The following SAXO1 variants were observed in gnomAD, a reference collection of about 807,000 sequenced individuals.
SAXO1 encodes the protein stabilizer of axonemal microtubules 1.
A neutral mutation model predicts 17.5 loss-of-function variants in SAXO1; 21 were observed. That is an observed-to-expected ratio of 1.20 (90% CI 0.85 to 1.72). The LOEUF (loss-of-function observed/expected upper bound fraction) is 1.72. Ranked by LOEUF, SAXO1 falls within the 40% of genes most tolerant of loss-of-function variation. The pLI is 0.00. For synonymous variants in SAXO1, 274 were observed against 216.5 expected, an observed-to-expected ratio of 1.27 and a Z score of -2.33; for missense variants, 843 against 596.0, an observed-to-expected ratio of 1.41 and a Z score of -4.32.
At chr9:18,956,657 T>C (rs1372480364) in intron 1 of SAXO1, among the ~76,000 whole-genome samples, 1 of 152,126 alleles carries the variant, frequency 6.6e-6, no homozygotes, top group Non-Finnish European at 1.5e-5. Flanking sequence ...ACTTCAATCT[T>C]CTCCTCTTTA....
At chr9:19,013,222 C>T (rs115511672) in intron 1 of SAXO1, among the ~76,000 whole-genome samples, 89 of 152,260 alleles carry the variant, frequency 5.8e-4, no homozygotes, top group African/African-American at 2.1e-3. Flanking sequence ...CAGCACAAGG[C>T]ATAAGGCATA....
At chr9:18,967,414 G>T (rs1005006345) in intron 1 of SAXO1, among the ~76,000 whole-genome samples, 11 of 152,344 alleles carry the variant, frequency 7.2e-5, no homozygotes, top group South Asian at 4.1e-4. Context: ...CCTGACTGGG[G>T]CTGTTGCCTT....
chr9:19,016,321 G>A (rs567407432), intron 1 of SAXO1, among the ~76,000 whole-genome samples: 6 of 152,176 alleles, frequency 3.9e-5, no homozygotes, highest in South Asian at 2.1e-4. Context: ...CTGTAGTCCC[G>A]GCTACTCAGG....
upstream of SAXO1, among the ~76,000 whole-genome samples, chr9:19,036,495 T>G (rs1438393433): frequency 6.6e-6 from 1 of 152,080 alleles, no homozygotes; most frequent in Non-Finnish European, 1.5e-5. Flanking sequence ...CCCCATGCTG[T>G]GTCCAGCCTA....
intron 1 of SAXO1, 149 bp from the exon 2 acceptor site, chr9:18,951,086 T>TTCACGTAGTTTAGTGG: frequency 1.3e-6 from 1 of 784,812 alleles, no homozygotes; most frequent in Non-Finnish European, 2.0e-6. Context: ...TTTTTTCCAC[T>TTCACGTAGTTTAGTGG]AAACTACGTG....
chr9:18,950,746 G>A lies in SAXO1; in HGVS notation c.218+12C>T. ...GTATGTACCTGCATACATTAATACT[G>A]TTTGCCCTCACCTTGATGTAGTCAG... On this transcript the variant is annotated intron_variant, in intron 2 of 3. Transcript: ENST00000380534. The A allele has an allele frequency of 1.2e-6, 2 of 1,610,296 alleles. No individual in the cohort carries two copies. The highest frequency in any genetic ancestry group is 1.7e-6 in the Non-Finnish European group (2 of 1,177,448).
At chr9:19,009,162 T>C (rs549366740) in intron 1 of SAXO1, among the ~76,000 whole-genome samples, 5 of 152,232 alleles carry the variant, frequency 3.3e-5, no homozygotes, top group African/African-American at 4.8e-5. Flanking sequence ...ATAAAAACTA[T>C]GCAAACAAGA....
chr9:19,042,282 A>C (rs1444061340), intron 1 of SAXO1, among the ~76,000 whole-genome samples: 1 of 152,184 alleles, frequency 6.6e-6, no homozygotes, highest in Non-Finnish European at 1.5e-5. Flanking sequence ...TATCCAAATG[A>C]TGGGCAATAA....
intron 3 of SAXO1, among the ~76,000 whole-genome samples, chr9:18,938,477 G>C (rs888028201): frequency 5.3e-5 from 8 of 151,990 alleles, no homozygotes; most frequent in African/African-American, 1.2e-4. Context: ...GGTGCCAAAC[G>C]CTTCTAAACA....
chr9:18,940,894 T>C (rs1307530304), intron 3 of SAXO1, among the ~76,000 whole-genome samples: 1 of 152,326 alleles, frequency 6.6e-6, no homozygotes, highest in South Asian at 2.1e-4. Context: ...ATCCTATTTA[T>C]ATAAAGTTCA....
chr9:18,953,626 C>T (rs991429100), intron 1 of SAXO1, among the ~76,000 whole-genome samples: 1 of 152,126 alleles, frequency 6.6e-6, no homozygotes, highest in Non-Finnish European at 1.5e-5. Flanking sequence ...CTACCTGCAC[C>T]ATGAATGCCC....
At chr9:18,973,584 C>CT (rs2131801336) in intron 1 of SAXO1, among the ~76,000 whole-genome samples, 1 of 152,350 alleles carries the variant, frequency 6.6e-6, no homozygotes. Flanking sequence ...CCTCATGTGC[C>CT]TGGTGCTGCA....
rs568323442 is a variant in SAXO1 at position 18,999,576 on chromosome 9, C to T, written c.38+33295G>A. 1.5e-3 allele frequency among the ~76,000 whole-genome samples: 225 copies of T among 145,846 alleles called. 6 individuals are homozygous for T. The South Asian group carries it at 0.022, about 14-fold the overall frequency. On this transcript the variant is annotated intron_variant, in intron 1 of 3. Transcript: ENST00000380534. ...GGAGCGCCGCTGCCTGGCCGCCACA[C>T]CATCTGGGAAGTGAGGAGCGCCTCT...
intron 1 of SAXO1, among the ~76,000 whole-genome samples, chr9:18,954,296 T>A (rs919402027): frequency 2.0e-5 from 3 of 151,992 alleles, no homozygotes; most frequent in African/African-American, 7.2e-5. Flanking sequence ...TGTTAATAAA[T>A]AATTAACAAA....
chr9:19,010,617 T>G (rs1834690560), intron 1 of SAXO1, among the ~76,000 whole-genome samples: 1 of 152,196 alleles, frequency 6.6e-6, no homozygotes, highest in South Asian at 2.1e-4. Context: ...TCTGTACTCT[T>G]TACTTGTTTA....
chr9:18,931,755 A>G (rs768251843), intron 3 of SAXO1, among the ~76,000 whole-genome samples: 18 of 152,298 alleles, frequency 1.2e-4, no homozygotes, highest in East Asian at 1.9e-4. Flanking sequence ...TGTCATTTAC[A>G]TTTCTCTAAT....
intron 1 of SAXO1, among the ~76,000 whole-genome samples, chr9:18,984,013 G>A (rs1457480975): frequency 6.6e-6 from 1 of 152,224 alleles, no homozygotes; most frequent in Non-Finnish European, 1.5e-5. Context: ...TGGATGTTAT[G>A]TTAGCAGGGA....
chr9:18,953,728 C>G (rs1014899767), intron 1 of SAXO1, among the ~76,000 whole-genome samples: 2 of 151,972 alleles, frequency 1.3e-5, no homozygotes, highest in African/African-American at 2.4e-5. Context: ...GGACAAAGAT[C>G]AAGTCTGACA....
intron 1 of SAXO1, among the ~76,000 whole-genome samples, chr9:18,992,440 A>C (rs1199369184): frequency 6.6e-6 from 1 of 152,194 alleles, no homozygotes; most frequent in Non-Finnish European, 1.5e-5. Flanking sequence ...CTCATGCTGG[A>C]TTAGGGCCCA....
Sources: allele counts gnomAD v4.1 joint callset (sites outside exome capture counted in the v4.1 genomes callset), GRCh38; gene constraint gnomAD v4.1.1; transcripts MANE v1.5; gene names NCBI Gene and HGNC (gene_info 2026-07-23, HGNC 2026-07-21).